AGBL1: variants seen among roughly 807,000 people sequenced by gnomAD.
AGBL1 encodes the protein AGBL carboxypeptidase 1.
A neutral mutation model predicts 118.9 loss-of-function variants in AGBL1; 130 were observed. The observed-to-expected ratio is 1.09, with a 90% CI of 0.95 to 1.26. AGBL1 has a LOEUF of 1.26. Ranked by LOEUF, AGBL1 falls within the 50% of genes most tolerant of loss-of-function variation. AGBL1 has a pLI of 0.00. For missense variants in AGBL1, 1,584 were observed against 1,298.1 expected (o/e 1.22, Z -3.38); for synonymous variants, 555 against 478.9 (o/e 1.16, Z -2.08).
intron 15 of AGBL1, among the ~76,000 whole-genome samples, chr15:86,277,817 C>T (rs2141711707): frequency 1.3e-5 from 2 of 152,352 alleles, no homozygotes; most frequent in Middle Eastern, 3.4e-3. Context: ...TTCCATCTGC[C>T]TTTACATTCA....
intron 18 of AGBL1, among the ~76,000 whole-genome samples, chr15:86,411,494 C>T (rs887449406): frequency 1.3e-5 from 2 of 152,134 alleles, no homozygotes; most frequent in Non-Finnish European, 2.9e-5. Flanking sequence ...AGATCCACCT[C>T]CCCACCGCGA....
intron 21 of AGBL1, among the ~76,000 whole-genome samples, chr15:86,658,422 A>T (rs144148528): frequency 3.9e-4 from 60 of 152,292 alleles, no homozygotes; most frequent in Admixed American, 1.4e-3. Flanking sequence ...AATGAACTCT[A>T]TTGGGGATTT....
chr15:86,946,242 A>G (rs187267476), intron 23 of AGBL1: 4 of 152,362 alleles, frequency 2.6e-5, no homozygotes, highest in African/African-American at 9.6e-5. Flanking sequence ...TTGAAGAGTC[A>G]CGTGCACAAG....
intron 23 of AGBL1, among the ~76,000 whole-genome samples, chr15:86,931,974 G>A (rs182947692): frequency 1.2e-4 from 19 of 152,282 alleles, no homozygotes; most frequent in Admixed American, 3.9e-4. Flanking sequence ...TTGTGGTTCT[G>A]TTTGATATTC....
chr15:86,113,212 TTTTTCTTTTCTTTTC>T (rs144582554), intron 1 of AGBL1, among the ~76,000 whole-genome samples: 20,955 of 122,026 alleles, frequency 0.17, 1,847 homozygotes, highest in South Asian at 0.26. Context: ...TTTCTTTTTC[TTTTTCTTTTCTTTTC>T]TTTTCTTTTC....
intron 21 of AGBL1, among the ~76,000 whole-genome samples, chr15:86,608,531 G>A (rs1000754701): frequency 2.6e-5 from 4 of 152,138 alleles, no homozygotes; most frequent in Non-Finnish European, 4.4e-5. Context: ...AAATGCTTGG[G>A]TCCTGAGAGG....
intron 1 of AGBL1, among the ~76,000 whole-genome samples, chr15:86,130,866 G>C (rs2076810324): frequency 6.6e-6 from 1 of 152,176 alleles, no homozygotes; most frequent in Non-Finnish European, 1.5e-5. Flanking sequence ...CATCAGGGCA[G>C]TTCTTTCCTG....
At chr15:86,771,316 T>C (rs2141288843) in intron 22 of AGBL1, among the ~76,000 whole-genome samples, 1 of 152,194 alleles carries the variant, frequency 6.6e-6, no homozygotes, top group South Asian at 2.1e-4. Flanking sequence ...ACAGATGTTA[T>C]TCTACATATT....
At chr15:86,852,929 G>A (rs768754296) in intron 22 of AGBL1, among the ~76,000 whole-genome samples, 2 of 152,180 alleles carry the variant, frequency 1.3e-5, no homozygotes, top group African/African-American at 2.4e-5. Flanking sequence ...CTCTGGGCAC[G>A]AGGCTCAGGC....
chr15:86,297,553 T>A (rs1226609551), intron 17 of AGBL1, among the ~76,000 whole-genome samples: 1 of 152,202 alleles, frequency 6.6e-6, no homozygotes, highest in Non-Finnish European at 1.5e-5. Flanking sequence ...TGATTTAAGG[T>A]CATAAAGGTA....
intron 24 of AGBL1, among the ~76,000 whole-genome samples, chr15:87,019,968 GAATACTATAAACTCCTCT>G (rs2081646273): frequency 6.6e-6 from 1 of 151,976 alleles, no homozygotes; most frequent in Non-Finnish European, 1.5e-5. Flanking sequence ...AACCATCACA[GAATACTATAAACTCCTCT>G]ATGCACATAA....
At chr15:86,920,971 GA>G (rs1792494902), downstream of AGBL1, among the ~76,000 whole-genome samples, 1 of 152,138 alleles carries the variant, frequency 6.6e-6, no homozygotes, top group South Asian at 2.1e-4. Context: ...TTGGAGAAAG[GA>G]GGGCATTCAT....
At chr15:86,153,133 C>G (rs914367661) in intron 3 of AGBL1, among the ~76,000 whole-genome samples, 1 of 152,098 alleles carries the variant, frequency 6.6e-6, no homozygotes. Flanking sequence ...ACTAGAATTA[C>G]CATTTGACCC....
At chr15:86,162,725 T>A (rs1054626735) in intron 5 of AGBL1, among the ~76,000 whole-genome samples, 4 of 152,240 alleles carry the variant, frequency 2.6e-5, no homozygotes, top group African/African-American at 9.6e-5. Flanking sequence ...TTCAAAGCCA[T>A]CAGGAATGTG....
chr15:86,917,856 T>A (rs1215914760), downstream of AGBL1, among the ~76,000 whole-genome samples: 1 of 135,704 alleles, frequency 7.4e-6, no homozygotes, highest in Non-Finnish European at 1.5e-5. This position sits in a 1 kb window ranked among gnomAD's most constrained non-coding sequence, Gnocchi z 4.8. Context: ...CTCAGAGAAG[T>A]CCTGACTCAT....
chr15:86,335,095 G>T (rs778864928), intron 17 of AGBL1, among the ~76,000 whole-genome samples: 6 of 151,866 alleles, frequency 4.0e-5, no homozygotes, highest in Admixed American at 3.9e-4. Context: ...GAAAGAAATG[G>T]ATACCACAGA....
Position 86,780,218 on chromosome 15 carries a change from T to C in AGBL1, c.3158+105782T>C, listed in dbSNP as rs145122150. 7.4e-3 allele frequency among the ~76,000 whole-genome samples: 1,122 copies of C among 152,274 alleles called. 16 individuals carry two copies. Among genetic ancestry groups the C allele is most frequent in the African/African-American group, 0.025 (1,058 of 41,570 alleles). ...ATTGACATCAGTTGGCACAATACCA[T>C]TTATTAAAAAGGCCACCTTTGCCTT... is the stretch of plus-strand genomic sequence containing the variant. On this transcript the variant is annotated intron_variant, in intron 22 of 22. Coordinates refer to ENST00000614907, the MANE Select transcript of AGBL1 (RefSeq NM_001386094.1).
intron 5 of AGBL1, among the ~76,000 whole-genome samples, chr15:86,170,614 T>C (rs1479854547): frequency 6.6e-6 from 1 of 151,694 alleles, no homozygotes; most frequent in Non-Finnish European, 1.5e-5. Flanking sequence ...GGAGGCTGAG[T>C]TGGGCAGATT....
chr15:86,268,216 A>T (rs567257996), intron 13 of AGBL1, among the ~76,000 whole-genome samples: 1 of 147,480 alleles, frequency 6.8e-6, no homozygotes, highest in African/African-American at 2.5e-5. Flanking sequence ...GTGAAGGGTG[A>T]TTTTTTTTTT....
Sources: allele counts gnomAD v4.1 joint callset (sites outside exome capture counted in the v4.1 genomes callset), GRCh38; gene constraint gnomAD v4.1.1; non-coding constraint Gnocchi (gnomAD v3.1); transcripts MANE v1.5; gene names NCBI Gene and HGNC (gene_info 2026-07-23, HGNC 2026-07-21).